Variants in NEBL observed in about 807,000 individuals in gnomAD.
NEBL encodes LIM and SH3 protein 2.
NEBL carries 122 observed loss-of-function variants against 140.2 expected under a neutral mutation model. The ratio of observed to expected loss-of-function variants is 0.87; its 90% CI spans 0.75 to 1.01. NEBL has a LOEUF of 1.01. NEBL is among the 50% of genes least tolerant of loss of function. The pLI, the probability that NEBL is intolerant of heterozygous loss-of-function variation, is 0.00. For synonymous variants in NEBL, 436 were observed against 398.9 expected, an observed-to-expected ratio of 1.09 and a Z score of -1.11; for missense variants, 1,365 against 1,231.3, an observed-to-expected ratio of 1.11 and a Z score of -1.62.
chr10:21,087,708 G>T (rs1836704919), intron 2 of NEBL, among the ~76,000 whole-genome samples: 1 of 152,218 alleles, frequency 6.6e-6, no homozygotes, highest in African/African-American at 2.4e-5. Context: ...TCCGCTGTTT[G>T]AGGTCTTGGA....
upstream of NEBL, among the ~76,000 whole-genome samples, chr10:20,897,756 T>C (rs1847632347): frequency 6.6e-6 from 1 of 152,226 alleles, no homozygotes; most frequent in African/African-American, 2.4e-5. Context: ...TTATCAGACA[T>C]ACCAGTACTT....
intron 1 of NEBL, among the ~76,000 whole-genome samples, chr10:21,260,296 C>T (rs1325490436): frequency 6.6e-6 from 1 of 152,168 alleles, no homozygotes; most frequent in Non-Finnish European, 1.5e-5. Context: ...AGCCACTTTT[C>T]CAAAGGCCAG....
chr10:21,254,913 C>T (rs2132275387), intron 1 of NEBL, among the ~76,000 whole-genome samples: 1 of 146,168 alleles, frequency 6.8e-6, no homozygotes, highest in African/African-American at 2.6e-5. Flanking sequence ...GGCAATGTCC[C>T]AAGCTGTGGC....
intron 2 of NEBL, among the ~76,000 whole-genome samples, chr10:21,039,929 AGT>A (rs1834192937): frequency 6.6e-6 from 1 of 152,240 alleles, no homozygotes; most frequent in South Asian, 2.1e-4. Flanking sequence ...GGGAGGATGC[AGT>A]AGACCGTGAC....
At chr10:20,826,598 C>G in intron 17 of NEBL, 59 bp from the exon 18 acceptor site, 2 of 1,292,994 alleles carry the variant, frequency 1.5e-6, no homozygotes, top group Non-Finnish European at 2.2e-6. Context: ...GTCCTAGATC[C>G]GCTTCTTAGA....
intron 2 of NEBL, among the ~76,000 whole-genome samples, chr10:21,077,707 A>G (rs117041269): frequency 5.3e-5 from 8 of 152,098 alleles, no homozygotes; most frequent in African/African-American, 1.7e-4. Flanking sequence ...TTGGTTCCTG[A>G]TATCTTTTTC....
At chr10:20,936,926 A>T (rs1319558022) in intron 4 of NEBL, among the ~76,000 whole-genome samples, 1 of 152,226 alleles carries the variant, frequency 6.6e-6, no homozygotes, top group Non-Finnish European at 1.5e-5. Flanking sequence ...ATAAGAAGGA[A>T]ATGGGACCTT....
At chr10:21,207,632 A>G (rs1301948035) in intron 3 of NEBL, among the ~76,000 whole-genome samples, 2 of 152,038 alleles carry the variant, frequency 1.3e-5, no homozygotes, top group Admixed American at 6.6e-5. Context: ...GGTTTGGCCA[A>G]TGGGAGCCCC....
intron 9 of NEBL, among the ~76,000 whole-genome samples, chr10:20,855,321 G>A (rs1288518155): frequency 1.3e-5 from 2 of 150,884 alleles, no homozygotes; most frequent in South Asian, 4.2e-4. Flanking sequence ...AAGTTATCTT[G>A]TAATATGTAT....
At chr10:20,808,762 T>TTA (rs1837858685) in intron 25 of NEBL, 103 bp from the exon 26 acceptor site, 1 of 1,253,022 alleles carries the variant, frequency 8.0e-7, no homozygotes, top group African/African-American at 1.5e-5. Context: ...AACCATCTCT[T>TTA]AGTAAAGAAT....
chr10:21,206,441 AT>A (rs1841826104), intron 3 of NEBL, among the ~76,000 whole-genome samples: 1 of 152,176 alleles, frequency 6.6e-6, no homozygotes, highest in African/African-American at 2.4e-5. Context: ...AAATATTTTT[AT>A]CTCAAAAATA....
chr10:21,045,682 T>C (rs932655069), intron 2 of NEBL, among the ~76,000 whole-genome samples: 1 of 152,156 alleles, frequency 6.6e-6, no homozygotes, highest in Non-Finnish European at 1.5e-5. Flanking sequence ...CGCCTCACAC[T>C]TGTTAGGATG....
chr10:21,238,817 T>TGTATAACTCA (rs1842398407), intron 3 of NEBL, among the ~76,000 whole-genome samples: 1 of 151,636 alleles, frequency 6.6e-6, no homozygotes, highest in Non-Finnish European at 1.5e-5. Flanking sequence ...CCCAAAAGCC[T>TGTATAACTCA]GTATAACTCA....
chr10:20,792,019 G>T lies in NEBL; in HGVS notation c.2762-4711C>A, dbSNP rs147365241. On this transcript the variant is annotated intron_variant, in intron 26 of 27. Transcript: ENST00000377122. ...GGAAGGCAGCAAAAAAATTATTTGT[G>T]CAGTGAAGCCACAGTTAAGGTTTCA... 2.2e-3 allele frequency among the ~76,000 whole-genome samples: 339 copies of T among 151,902 alleles called. 9 individuals carry two copies. The East Asian group carries it at 0.057, about 25-fold the overall frequency.
intron 1 of NEBL, among the ~76,000 whole-genome samples, chr10:21,290,481 A>G (rs753324953): frequency 5.3e-5 from 8 of 152,236 alleles, no homozygotes; most frequent in Admixed American, 3.9e-4. Flanking sequence ...ACTTCTTCCA[A>G]AAAAAATACA....
At chr10:21,195,479 C>T (rs1416676632) in intron 3 of NEBL, among the ~76,000 whole-genome samples, 1 of 152,206 alleles carries the variant, frequency 6.6e-6, no homozygotes, top group Non-Finnish European at 1.5e-5. Flanking sequence ...CCAGGAAGGA[C>T]TTTTATTCCC....
At chr10:20,832,427 G>GT (rs143403054) in intron 14 of NEBL, among the ~76,000 whole-genome samples, 10,857 of 148,564 alleles carry the variant, frequency 0.073, 506 homozygotes, top group Middle Eastern at 0.13. Context: ...AGTTATCTCT[G>GT]TTTTTTTTTT....
rs1414653787 is a variant in NEBL at position 20,845,469 on chromosome 10, G to T, written c.1117-101C>A. Reference sequence around the variant, plus strand: ...CCAGAACAAAAATGATGTTTTCTTAGGTAGTTCTACCACCTGAGGGTCATC... The same window carrying T: ...CCAGAACAAAAATGATGTTTTCTTATGTAGTTCTACCACCTGAGGGTCATC... On this transcript the variant is annotated intron_variant, in intron 11 of 27. Transcript: ENST00000377122. The T allele has an allele frequency of 4.4e-5, 33 of 756,320 alleles. No individual in the cohort carries two copies. In the Admixed American group the frequency reaches 6.9e-4, roughly 16 times the overall value. 46.9% of individuals were successfully genotyped at this position (756,320 alleles called of 1,614,324 possible).
intron 3 of NEBL, among the ~76,000 whole-genome samples, chr10:20,992,468 C>T (rs908447389): frequency 2.0e-5 from 3 of 152,118 alleles, no homozygotes; most frequent in African/African-American, 7.2e-5. Context: ...TTTTGAGTGA[C>T]GACAGAGGCT....
Sources: allele counts gnomAD v4.1 joint callset (sites outside exome capture counted in the v4.1 genomes callset), GRCh38; gene constraint gnomAD v4.1.1; transcripts MANE v1.5; gene names NCBI Gene and HGNC (gene_info 2026-07-23, HGNC 2026-07-21).